Variants in WNT3A observed in about 807,000 individuals in gnomAD.
WNT3A encodes Wnt family member 3A.
WNT3A carries 17 observed loss-of-function variants against 37.0 expected under a neutral mutation model. That is an observed-to-expected ratio of 0.46 (90% CI 0.31 to 0.69). The LOEUF (loss-of-function observed/expected upper bound fraction) is 0.69. WNT3A is among the 30% of genes least tolerant of loss of function. WNT3A has a pLI of 0.05. For synonymous variants in WNT3A, 187 were observed against 211.0 expected (o/e 0.89, Z 0.99); for missense variants, 411 against 510.2 (o/e 0.81, Z 1.87).
chr1:228,048,374 C>A (rs1427911684), intron 2 of WNT3A, among the ~76,000 whole-genome samples: 1 of 152,182 alleles, frequency 6.6e-6, no homozygotes, highest in Non-Finnish European at 1.5e-5. Flanking sequence ...GAGGCCAAGC[C>A]GAGGCTCAGG....
intron 2 of WNT3A, among the ~76,000 whole-genome samples, chr1:228,025,360 TG>T (rs1230230090): frequency 8.5e-5 from 13 of 152,314 alleles, no homozygotes; most frequent in Non-Finnish European, 1.6e-4. Flanking sequence ...TGTTTGTTTT[TG>T]TTTTTGAGAC....
chr1:228,053,621 T>C (rs1209033532), intron 3 of WNT3A, among the ~76,000 whole-genome samples: 1 of 151,996 alleles, frequency 6.6e-6, no homozygotes, highest in African/African-American at 2.4e-5. Context: ...AAAAGAACTC[T>C]GCAGACTAAG....
In WNT3A at chr1:228,031,130, A is replaced by T. The variant is rs115646664; in HGVS notation, c.313+8222A>T. Among the ~76,000 whole-genome samples the T allele has an allele frequency of 3.9e-3, 595 of 152,258 alleles. 6 individuals are homozygous for T. Among genetic ancestry groups the T allele is most frequent in the African/African-American group, 0.013 (549 of 41,568 alleles). On this transcript the variant is annotated intron_variant, in intron 2 of 3. Transcript: ENST00000284523. The surrounding 1 kb of genome is among the most constrained non-coding windows in gnomAD (Gnocchi z 4.8). ...GGGCCTGTGTTCTTCAGGCGTGGGG[A>T]AGGCACCGTGGGGCAGAGAGTGGGG...
At chr1:228,057,691 G>T (rs1162419642) in intron 3 of WNT3A, among the ~76,000 whole-genome samples, 1 of 152,154 alleles carries the variant, frequency 6.6e-6, no homozygotes, top group Non-Finnish European at 1.5e-5. Context: ...CCTTAGATTA[G>T]AACTGTCCAA....
Position 228,017,437 on chromosome 1 carries a change from G to A in WNT3A, c.72-5230G>A, listed in dbSNP as rs148966663. Among the ~76,000 whole-genome samples the A allele has an allele frequency of 1.5e-4, 23 of 152,334 alleles. No homozygotes were observed. The East Asian group carries it at 4.4e-3, about 29-fold the overall frequency. On this transcript the variant is annotated intron_variant, in intron 1 of 3. Coordinates refer to ENST00000284523, the MANE Select transcript of WNT3A (RefSeq NM_033131.4). ...GCTCTCTAAAGACCACAGTGGCCAG[G>A]CGCGGTGGCTCACACCTGTAATCTC...
intron 1 of WNT3A, among the ~76,000 whole-genome samples, chr1:228,018,935 T>C (rs1311594597): frequency 1.3e-5 from 2 of 152,214 alleles, no homozygotes; most frequent in Non-Finnish European, 2.9e-5. Flanking sequence ...AGGGGCCCTC[T>C]GGTCCACAGG....
intron 1 of WNT3A, among the ~76,000 whole-genome samples, chr1:228,010,891 T>C (rs1475783495): frequency 6.6e-6 from 1 of 152,220 alleles, no homozygotes; most frequent in African/African-American, 2.4e-5. Context: ...GTAGGCCCTT[T>C]CAGGCCCCCA....
At chr1:228,018,972 A>G (rs2030613173) in intron 1 of WNT3A, among the ~76,000 whole-genome samples, 1 of 152,204 alleles carries the variant, frequency 6.6e-6, no homozygotes, top group South Asian at 2.1e-4. Flanking sequence ...TCCTGACCCC[A>G]AATCCACAAG....
chr1:228,059,203 C>T lies in WNT3A; in HGVS notation c.797C>T (p.Pro266Leu), dbSNP rs755419088. Residue 266 changes from proline to leucine, a missense_variant, in exon 4 of 4, where the codon CCC becomes CTC. Transcript: ENST00000284523. Reference protein sequence around the residue: ...LRPRYTYFKVPTERDLVYYEA... With the variant: ...LRPRYTYFKVLTERDLVYYEA... ...CCGCGCTACACCTACTTCAAGGTGC[C>T]CACGGAGCGCGACCTGGTCTACTAC... The T allele has an allele frequency of 6.2e-6, 10 of 1,611,948 alleles. No homozygotes were observed. In the Admixed American group the frequency reaches 1.3e-4, roughly 22 times the overall value.
In WNT3A at chr1:228,022,879, T is replaced by A. The variant is rs760328956; in HGVS notation, c.284T>A (p.Leu95Gln). ...AACTGCACCACCGTCCACGACAGCC[T>A]GGCCATCTTCGGGCCCGTGCTGGAC... ...RWNCTTVHDS[L>Q]AIFGPVLDKA... Residue 95 changes from leucine (L) to glutamine (Q), a missense_variant, in exon 2 of 4, where the codon CTG becomes CAG. Leu to Gln is a moderately radical substitution (Grantham distance 113). Coordinates refer to ENST00000284523, the MANE Select transcript of WNT3A (RefSeq NM_033131.4). 6 of 1,612,266 alleles carry A rather than the reference T, an allele frequency of 3.7e-6. No individual in the cohort carries two copies. The highest frequency in any genetic ancestry group is 1.7e-5 in the Admixed American group (1 of 59,974).
chr1:228,044,331 T>G (rs1161091477), intron 2 of WNT3A, among the ~76,000 whole-genome samples: 1 of 152,210 alleles, frequency 6.6e-6, no homozygotes, highest in Non-Finnish European at 1.5e-5. Flanking sequence ...TGTGTTCTAT[T>G]CACCACACTC....
At chr1:228,046,661 G>T (rs760342868) in intron 2 of WNT3A, among the ~76,000 whole-genome samples, 9 of 150,810 alleles carry the variant, frequency 6.0e-5, no homozygotes, top group East Asian at 3.9e-4. Flanking sequence ...TGCATGTGTG[G>T]GGGGGATGTG....
intron 1 of WNT3A, among the ~76,000 whole-genome samples, chr1:228,016,819 G>C (rs867019293): frequency 2.0e-5 from 3 of 152,086 alleles, no homozygotes; most frequent in African/African-American, 7.2e-5. Context: ...GGGAGAGGGG[G>C]CAGGGGAGGG....
chr1:228,058,391 G>A (rs191786715), intron 3 of WNT3A, among the ~76,000 whole-genome samples: 1 of 151,462 alleles, frequency 6.6e-6, no homozygotes. Flanking sequence ...AAAGAAAGAA[G>A]GGAAAAGAAG....
chr1:228,021,518 T>G (rs906228385), intron 1 of WNT3A, among the ~76,000 whole-genome samples: 1 of 152,178 alleles, frequency 6.6e-6, no homozygotes, highest in South Asian at 2.1e-4. Context: ...CGGGAGCCCA[T>G]GCCTTCGGGT....
rs1173467343 is a variant in WNT3A at position 228,037,897 on chromosome 1, C to T, written c.314-12759C>T. On this transcript the variant is annotated intron_variant, in intron 2 of 3. Transcript: ENST00000284523. The surrounding 1 kb of genome is among the most constrained non-coding windows in gnomAD (Gnocchi z 4.1). Reference sequence around the variant, plus strand: ...AATGGGGATTTCCCCTCGCGCCGGACGGCCTGGCGCGCGGCGCATACTTCC... The same window carrying T: ...AATGGGGATTTCCCCTCGCGCCGGATGGCCTGGCGCGCGGCGCATACTTCC... Among the ~76,000 whole-genome samples the T allele has an allele frequency of 1.3e-5, 2 of 152,220 alleles. No individual in the cohort carries two copies. The highest frequency in any genetic ancestry group is 2.9e-5 in the Non-Finnish European group (2 of 68,020).
At chr1:228,013,883 A>G (rs1478661443) in intron 1 of WNT3A, among the ~76,000 whole-genome samples, 21 of 152,218 alleles carry the variant, frequency 1.4e-4, no homozygotes, top group Admixed American at 1.4e-3. Flanking sequence ...CCTGATCTTA[A>G]GAAGACAAAG....
chr1:228,013,664 A>G (rs926659987), intron 1 of WNT3A, among the ~76,000 whole-genome samples: 6 of 152,136 alleles, frequency 3.9e-5, no homozygotes, highest in Admixed American at 3.3e-4. Context: ...CCGGCTCACA[A>G]GGTGCTTGAG....
At chr1:228,041,768 C>CA (rs2031290689) in intron 2 of WNT3A, among the ~76,000 whole-genome samples, 1 of 152,144 alleles carries the variant, frequency 6.6e-6, no homozygotes. Context: ...CAGTCCCAGG[C>CA]AAAAAACCTA....
Sources: allele counts gnomAD v4.1 joint callset (sites outside exome capture counted in the v4.1 genomes callset), GRCh38; gene constraint gnomAD v4.1.1; non-coding constraint Gnocchi (gnomAD v3.1); transcripts MANE v1.5; gene names NCBI Gene and HGNC (gene_info 2026-07-23, HGNC 2026-07-21).